The following HAPSTR1 variants were observed in gnomAD, a reference collection of about 807,000 sequenced individuals.
The protein encoded by HAPSTR1 is HUWE1 associated protein modifying stress responses, also known as HUWE1-associated protein modifying stress responses 1.
the HAPSTR1 span, among the ~76,000 whole-genome samples, chr16:9,092,564 G>A: frequency 6.6e-6 from 1 of 152,126 alleles, no homozygotes; most frequent in African/African-American, 2.4e-5. Flanking sequence ...CCCGGAGACG[G>A]GAGAGGAGGA....
the HAPSTR1 span, among the ~76,000 whole-genome samples, chr16:9,116,373 A>G: frequency 6.6e-6 from 1 of 152,198 alleles, no homozygotes; most frequent in Non-Finnish European, 1.5e-5. Context: ...TACCTACCTC[A>G]TAGATGGGAG....
chr16:9,117,546 A>T, the HAPSTR1 span: 5 of 153,030 alleles, frequency 3.3e-5, no homozygotes, highest in Admixed American at 3.3e-4. Context: ...CCAGAGCTTT[A>T]TTGGATTCAC....
the HAPSTR1 span, chr16:9,118,829 G>C: frequency 6.5e-6 from 1 of 152,674 alleles, no homozygotes; most frequent in Non-Finnish European, 1.5e-5. Context: ...AGGATTTTGA[G>C]ATGGAGGAAC....
chr16:9,095,460 G>C, the HAPSTR1 span, among the ~76,000 whole-genome samples: 1 of 152,026 alleles, frequency 6.6e-6, no homozygotes, highest in African/African-American at 2.4e-5. Context: ...GGAAAAATTT[G>C]GTGGATACTT....
At chr16:9,102,715 C>T in the HAPSTR1 span, among the ~76,000 whole-genome samples, 3 of 152,082 alleles carry the variant, frequency 2.0e-5, no homozygotes, top group African/African-American at 7.2e-5. Context: ...ATTAAAGATA[C>T]CTAATCTCTC....
chr16:9,105,251 C>G, the HAPSTR1 span: 5 of 152,278 alleles, frequency 3.3e-5, no homozygotes, highest in South Asian at 1.0e-3. Context: ...AAATATAAGG[C>G]TTTGTCTAGG....
the HAPSTR1 span, chr16:9,109,811 C>CT: frequency 2.0e-5 from 3 of 151,756 alleles, no homozygotes; most frequent in African/African-American, 7.3e-5. Flanking sequence ...TTAAGCAGTA[C>CT]TTTGTGAGTT....
the HAPSTR1 span, chr16:9,112,306 A>T: frequency 6.6e-6 from 1 of 152,244 alleles, no homozygotes; most frequent in Non-Finnish European, 1.5e-5. Flanking sequence ...CAATGCAAGA[A>T]TGCCAGTTTC....
At chr16:9,093,314 C>G in the HAPSTR1 span, among the ~76,000 whole-genome samples, 1 of 152,190 alleles carries the variant, frequency 6.6e-6, no homozygotes, top group Non-Finnish European at 1.5e-5. Context: ...CGCCCCGGCC[C>G]CCTCTCAGCG....
the HAPSTR1 span, chr16:9,104,229 T>G: frequency 6.6e-6 from 1 of 151,668 alleles, no homozygotes; most frequent in Non-Finnish European, 1.5e-5. Context: ...TTCTCCTGCC[T>G]CAGCCTCCCG....
At chr16:9,094,624 G>A in the HAPSTR1 span, among the ~76,000 whole-genome samples, 1 of 152,068 alleles carries the variant, frequency 6.6e-6, no homozygotes, top group African/African-American at 2.4e-5. Flanking sequence ...TATTGTGTCT[G>A]GCTTGTTCCA....
chr16:9,108,289 GT>G, the HAPSTR1 span: 1 of 152,098 alleles, frequency 6.6e-6, no homozygotes, highest in Non-Finnish European at 1.5e-5. Context: ...CTCCAGTCCT[GT>G]CTCCAAAATG....
the HAPSTR1 span, among the ~76,000 whole-genome samples, chr16:9,101,236 C>T: frequency 6.6e-6 from 1 of 152,138 alleles, no homozygotes; most frequent in African/African-American, 2.4e-5. Context: ...TAAATCTTTT[C>T]CTAAAGAGAT....
At chr16:9,091,985 G>C in the HAPSTR1 span, 1 of 1,329,028 alleles carries the variant, frequency 7.5e-7, no homozygotes, top group Non-Finnish European at 9.8e-7. Flanking sequence ...GCTCCCGCGG[G>C]GGCCCCGCCT....
the HAPSTR1 span, among the ~76,000 whole-genome samples, chr16:9,099,222 G>C: frequency 2.0e-5 from 3 of 149,834 alleles, no homozygotes; most frequent in East Asian, 5.8e-4. Flanking sequence ...TTTTTGAGAT[G>C]GAGTCTTGCG....
At chr16:9,120,945 T>G in the HAPSTR1 span, 5 of 152,308 alleles carry the variant, frequency 3.3e-5, no homozygotes, top group East Asian at 5.8e-4. Context: ...GTTACAGATT[T>G]TTTATAATTA....
At chr16:9,091,691 G>A in the HAPSTR1 span, 1 of 399,414 alleles carries the variant, frequency 2.5e-6, no homozygotes, top group East Asian at 3.6e-5. Flanking sequence ...CTGCGCGGAG[G>A]GCTCGGCGAT....
chr16:9,092,333 CTATCGGCTCAG>C, the HAPSTR1 span: 1 of 1,292,772 alleles, frequency 7.7e-7, no homozygotes, highest in South Asian at 2.2e-5. Context: ...GGCCCCGGCC[CTATCGGCTCAG>C]CGGCCGCTTC....
chr16:9,120,024 G>C, the HAPSTR1 span: 1 of 152,182 alleles, frequency 6.6e-6, no homozygotes, highest in Non-Finnish European at 1.5e-5. Flanking sequence ...GAATGATTGA[G>C]TTTTTGGCCT....
Sources: gnomAD v4.1 joint callset for allele counts (sites outside exome capture counted in the v4.1 genomes callset) on GRCh38, gnomAD v4.1.1 for gene constraint, MANE v1.5 for transcripts, NCBI Gene and HGNC (gene_info 2026-07-23, HGNC 2026-07-21) for gene names.